Variants in ADCY2 observed in about 807,000 individuals in gnomAD.
ADCY2 encodes adenylate cyclase type 2.
In ADCY2, 31 loss-of-function variants were observed where a neutral mutation model predicts 125.2. The observed-to-expected ratio is 0.25, with a 90% CI of 0.19 to 0.33. ADCY2 has a LOEUF of 0.33. Ranked by LOEUF, ADCY2 falls within the 10% of genes least tolerant of loss-of-function variation. ADCY2 has a pLI of 1.00. For synonymous variants in ADCY2, 512 were observed against 548.4 expected, an observed-to-expected ratio of 0.93 and a Z score of 0.93; for missense variants, 904 against 1,418.2, an observed-to-expected ratio of 0.64 and a Z score of 5.82.
intron 2 of ADCY2, among the ~76,000 whole-genome samples, chr5:7,512,218 C>CAAAAAAAAAAA (rs57381383): frequency 0.15 from 8,554 of 57,374 alleles, 1,452 homozygotes; most frequent in Non-Finnish European, 0.19. Flanking sequence ...ATGACTCCAT[C>CAAAAAAAAAAA]AAAAAAAAAA....
intron 3 of ADCY2, among the ~76,000 whole-genome samples, chr5:7,531,226 G>T (rs570332411): frequency 6.6e-6 from 1 of 152,266 alleles, no homozygotes; most frequent in East Asian, 1.9e-4. Context: ...TTTGTCTAGA[G>T]TGTTTTGTTT....
At chr5:7,482,281 T>C (rs1172296160) in intron 2 of ADCY2, among the ~76,000 whole-genome samples, 2 of 152,122 alleles carry the variant, frequency 1.3e-5, no homozygotes, top group African/African-American at 4.8e-5. Flanking sequence ...TTATTATTAT[T>C]TTACTTCATT....
rs183699215 is a variant in ADCY2 at position 7,707,380 on chromosome 5, C to T, written c.1269-326C>T. Among the ~76,000 whole-genome samples, 244 of 152,206 alleles carry T rather than the reference C, an allele frequency of 1.6e-3. 1 individual carries two copies. Among genetic ancestry groups the T allele is most frequent in the Non-Finnish European group, 2.5e-3 (171 of 68,010 alleles). The stretch of plus-strand genomic sequence containing the variant: ...GAGAAAGAAAGTCTACATTATTATA[C>T]AGATTAGCATACTTCCTAAAATGCC... On this transcript the variant is annotated intron_variant, in intron 8 of 24. Transcript: ENST00000338316.
chr5:7,782,980 C>T (rs186777489), intron 18 of ADCY2, among the ~76,000 whole-genome samples: 178 of 152,246 alleles, frequency 1.2e-3, no homozygotes, highest in African/African-American at 4.0e-3. Flanking sequence ...TTAAGTTTCA[C>T]GAGCTCAGAT....
intron 2 of ADCY2, among the ~76,000 whole-genome samples, chr5:7,473,232 C>T (rs1370634681): frequency 6.6e-6 from 1 of 152,146 alleles, no homozygotes; most frequent in Non-Finnish European, 1.5e-5. Flanking sequence ...GTTTATTTGG[C>T]TTACGATTCT....
chr5:7,558,406 G>T (rs1486986844), intron 3 of ADCY2, among the ~76,000 whole-genome samples: 1 of 152,158 alleles, frequency 6.6e-6, no homozygotes, highest in Non-Finnish European at 1.5e-5. Context: ...GTATCTTATT[G>T]TGGTTTTGAT....
intron 22 of ADCY2, among the ~76,000 whole-genome samples, chr5:7,807,859 T>C (rs898605771): frequency 6.6e-6 from 1 of 152,122 alleles, no homozygotes; most frequent in Non-Finnish European, 1.5e-5. Context: ...CAAACATGCA[T>C]GTGCTTTTGT....
chr5:7,751,261 A>G (rs1409265031), intron 15 of ADCY2, among the ~76,000 whole-genome samples: 1 of 151,996 alleles, frequency 6.6e-6, no homozygotes, highest in South Asian at 2.1e-4. Context: ...TGTTACTTTA[A>G]TCTTAATTTA....
intron 4 of ADCY2, among the ~76,000 whole-genome samples, chr5:7,649,385 A>G (rs1370876363): frequency 6.6e-6 from 1 of 152,240 alleles, no homozygotes; most frequent in Non-Finnish European, 1.5e-5. Context: ...AAACTTAACA[A>G]ATTCTAAGAG....
intron 2 of ADCY2, among the ~76,000 whole-genome samples, chr5:7,482,791 T>TAC (rs1554012998): frequency 2.7e-4 from 38 of 139,806 alleles, no homozygotes; most frequent in African/African-American, 6.4e-4. Flanking sequence ...TATATATATA[T>TAC]ACACACACAC....
chr5:7,784,152 G>A (rs1405678224), intron 18 of ADCY2, among the ~76,000 whole-genome samples: 3 of 151,930 alleles, frequency 2.0e-5, no homozygotes, highest in African/African-American at 7.3e-5. Flanking sequence ...AAAGTAGGAA[G>A]TCTGTATGAT....
At chr5:7,783,006 A>G (rs549219177) in intron 18 of ADCY2, among the ~76,000 whole-genome samples, 53 of 152,272 alleles carry the variant, frequency 3.5e-4, no homozygotes, top group African/African-American at 1.3e-3. Context: ...CAGCTGCGGC[A>G]GGTTTGGTGG....
At chr5:7,817,316 G>A (rs1261026294) in intron 23 of ADCY2, among the ~76,000 whole-genome samples, 1 of 152,034 alleles carries the variant, frequency 6.6e-6, no homozygotes, top group South Asian at 2.1e-4. Flanking sequence ...ACTGGGACCT[G>A]CCACTAACTA....
At chr5:7,687,886 C>T (rs1391677063) in intron 4 of ADCY2, among the ~76,000 whole-genome samples, 1 of 152,180 alleles carries the variant, frequency 6.6e-6, no homozygotes, top group East Asian at 1.9e-4. Flanking sequence ...TCATCATAAG[C>T]TCTGCTAATG....
intron 2 of ADCY2, among the ~76,000 whole-genome samples, chr5:7,456,610 C>T (rs1741677809): frequency 6.6e-6 from 1 of 152,104 alleles, no homozygotes; most frequent in South Asian, 2.1e-4. Context: ...TATGGAAATA[C>T]TGCTTATTCT....
chr5:7,726,473 C>T (rs1429944654), intron 13 of ADCY2, among the ~76,000 whole-genome samples: 1 of 152,144 alleles, frequency 6.6e-6, no homozygotes, highest in African/African-American at 2.4e-5. Context: ...ATAGCCCTAT[C>T]TGGAATTTTT....
chr5:7,579,058 CTG>C (rs1249163775), intron 3 of ADCY2, among the ~76,000 whole-genome samples: 1 of 152,198 alleles, frequency 6.6e-6, no homozygotes, highest in African/African-American at 2.4e-5. Flanking sequence ...CATTTATTCT[CTG>C]TGTCTCAGTC....
chr5:7,683,184 T>TA (rs1455362031), intron 4 of ADCY2, among the ~76,000 whole-genome samples: 1 of 152,216 alleles, frequency 6.6e-6, no homozygotes, highest in Non-Finnish European at 1.5e-5. Flanking sequence ...AACCTCCTCT[T>TA]ACTCTACGTG....
chr5:7,493,022 G>A (rs2126491275), intron 2 of ADCY2, among the ~76,000 whole-genome samples: 1 of 152,328 alleles, frequency 6.6e-6, no homozygotes, highest in Admixed American at 6.5e-5. Flanking sequence ...CTATGTCCTG[G>A]GAAGAGTGTG....
Sources: gnomAD v4.1 joint callset for allele counts (sites outside exome capture counted in the v4.1 genomes callset) on GRCh38, gnomAD v4.1.1 for gene constraint, MANE v1.5 for transcripts, NCBI Gene and HGNC (gene_info 2026-07-23, HGNC 2026-07-21) for gene names.